ASZ1: variants seen among roughly 807,000 people sequenced by gnomAD.
The protein encoded by ASZ1 is ankyrin repeat, SAM and basic leucine zipper domain-containing protein 1.
In ASZ1, 67 loss-of-function variants were observed where a neutral mutation model predicts 61.8. The observed-to-expected ratio is 1.08, with a 90% CI of 0.89 to 1.33. The LOEUF is 1.33. Ranked by LOEUF, ASZ1 falls within the 40% of genes most tolerant of loss-of-function variation. The pLI is 0.00. For synonymous variants in ASZ1, 193 were observed against 192.7 expected (o/e 1.00, Z -0.01); for missense variants, 577 against 554.5 (o/e 1.04, Z -0.41).
At chr7:117,368,826 A>C in intron 10 of ASZ1, 109 bp from the exon 11 acceptor site, 1 of 1,546,798 alleles carries the variant, frequency 6.5e-7, no homozygotes, top group South Asian at 1.2e-5. Flanking sequence ...ATTCTTCCAA[A>C]AGAATTCATG....
At chr7:117,366,914 C>A (rs1795951399) in intron 12 of ASZ1, among the ~76,000 whole-genome samples, 1 of 152,102 alleles carries the variant, frequency 6.6e-6, no homozygotes, top group East Asian at 1.9e-4. Flanking sequence ...CCTATTATAA[C>A]AATTGGTATA....
At chr7:117,379,257 T>G (rs887509310) in intron 10 of ASZ1, among the ~76,000 whole-genome samples, 2 of 150,384 alleles carry the variant, frequency 1.3e-5, no homozygotes, top group Non-Finnish European at 3.0e-5. Flanking sequence ...GTAAATTTTC[T>G]GGTTTTGATA....
chr7:117,420,189 T>G lies in ASZ1; in HGVS notation c.414A>C (p.Arg138Ser). 1 of 1,611,322 alleles carries G rather than the reference T, an allele frequency of 6.2e-7. No individual in the cohort carries two copies. The highest frequency in any genetic ancestry group is 1.1e-5 in the South Asian group (1 of 90,802). ...ILKCVELLLS[R>S]NADPNVACRR... ...TACAAGCAACATTTGGATCAGCATTTCTTGAAAGTAGTAGTTCTACACACT... is the reference window on the plus strand; with the variant it reads ...TACAAGCAACATTTGGATCAGCATTGCTTGAAAGTAGTAGTTCTACACACT... The change falls in exon 4 of 13, where the codon AGA (arginine) becomes AGC (serine). Residue 138 changes from arginine (R) to serine (S), a missense_variant. Physicochemically the swap from Arg to Ser is moderately radical, Grantham distance 110. Coordinates refer to ENST00000284629, the MANE Select transcript of ASZ1 (RefSeq NM_130768.3).
chr7:117,420,027 G>C (rs948604760), intron 4 of ASZ1, 136 bp downstream of exon 4: 7 of 561,900 alleles, frequency 1.2e-5, no homozygotes, highest in African/African-American at 9.4e-5. Context: ...TTATAGAATT[G>C]GAACAATGAC....
At position 117,384,811 on chromosome 7, in the gene ASZ1, A is replaced by G; in HGVS notation, c.602T>C (p.Leu201Ser). 1.2e-6 allele frequency: 2 copies of G among 1,609,390 alleles called. No homozygotes were observed. Among genetic ancestry groups the G allele is most frequent in the South Asian group, 2.2e-5 (2 of 90,090 alleles). Reference protein sequence around the residue: ...RQGHKNIVLKLLELGANKMLQ... With the variant: ...RQGHKNIVLKSLELGANKMLQ... ...CATTTTATTAGCTCCAAGTTCAAGC[A>G]ACTTCAAAACTATATTTTTATGACC... The change falls in exon 6 of 13, where the codon TTG (leucine) becomes TCG (serine). Residue 201 changes from leucine to serine, a missense_variant. Transcript: ENST00000284629.
At chr7:117,364,414 A>G (rs1795893813) in intron 12 of ASZ1, among the ~76,000 whole-genome samples, 1 of 108,574 alleles carries the variant, frequency 9.2e-6, no homozygotes, top group African/African-American at 5.2e-5. Context: ...TGAGAGACAG[A>G]GAGACAGAGA....
chr7:117,378,908 GGAT>G lies in ASZ1; in HGVS notation c.1055+1027_1055+1029del, dbSNP rs570755817. Among the ~76,000 whole-genome samples the G allele has an allele frequency of 1.7e-3, 258 of 151,466 alleles. 2 individuals are homozygous for G. Among genetic ancestry groups the G allele is most frequent in the African/African-American group, 6.1e-3 (254 of 41,406 alleles). On this transcript the variant is annotated intron_variant, in intron 10 of 12. Transcript: ENST00000284629. Reference sequence around the variant, plus strand: ...ACTTTGATGAACCTCAAGAAAATTAGGATGATTGAAAAAAGTTAATCTCAAAAG... The same window carrying G: ...ACTTTGATGAACCTCAAGAAAATTAGGATTGAAAAAAGTTAATCTCAAAAG...
At chr7:117,403,207 C>G (rs765010893) in intron 4 of ASZ1, among the ~76,000 whole-genome samples, 24 of 152,124 alleles carry the variant, frequency 1.6e-4, no homozygotes, top group Admixed American at 1.0e-3. Context: ...ACGTACCAAG[C>G]ACCTGTCCTA....
chr7:117,364,672 G>A lies in ASZ1; in HGVS notation c.1276-924C>T, dbSNP rs539199323. ...GGAATAATGACTTCCAAATTCTACA[G>A]TGTAAATATTTAATTAAAAAGCTTG... On this transcript the variant is annotated intron_variant, in intron 12 of 12. Coordinates refer to ENST00000284629, the MANE Select transcript of ASZ1 (RefSeq NM_130768.3). 4.6e-5 allele frequency among the ~76,000 whole-genome samples: 7 copies of A among 152,180 alleles called. No individual in the cohort carries two copies. In the South Asian group the frequency reaches 1.5e-3, roughly 32 times the overall value.
At position 117,363,542 on chromosome 7, in the gene ASZ1, A is replaced by G. The variant is rs930888203; in HGVS notation, c.*54T>C. ...GTGCTGCAAACAGTTAAAAGCAATG[A>G]TTTTTGGATGGTTCAATAAGATGTG... On this transcript the variant is annotated 3_prime_UTR_variant, in exon 13 of 13. Transcript: ENST00000284629. The G allele has an allele frequency of 1.5e-6, 2 of 1,355,918 alleles. No individual in the cohort carries two copies. Among genetic ancestry groups the G allele is most frequent in the African/African-American group, 3.0e-5 (2 of 66,950 alleles). 84.0% of individuals were successfully genotyped at this position (1,355,918 alleles called of 1,614,324 possible).
chr7:117,415,206 C>CT (rs1796967106), intron 4 of ASZ1, among the ~76,000 whole-genome samples: 2 of 152,166 alleles, frequency 1.3e-5, no homozygotes, highest in Admixed American at 6.5e-5. Flanking sequence ...GATGGTATCT[C>CT]TTTATCTGTG....
rs1796219177 is a variant in ASZ1, at chr7:117,379,969, C to T, written c.1024G>A (p.Glu342Lys). 4 of 1,605,378 alleles carry T rather than the reference C, an allele frequency of 2.5e-6. No homozygotes were observed. Among genetic ancestry groups the T allele is most frequent in the African/African-American group, 1.3e-5 (1 of 74,824 alleles). The change falls in exon 10 of 13, where the codon GAG becomes AAG. Residue 342 changes from glutamate to lysine, a missense_variant. Coordinates refer to ENST00000284629, the MANE Select transcript of ASZ1 (RefSeq NM_130768.3). ...ELQVEEIQFGELSEETKLEIS... is the reference protein window; with the variant it reads ...ELQVEEIQFGKLSEETKLEIS... ...TCCAACTTTGTCTCTTCAGATAGCT[C>T]TCCAAATTGTATCTCTTCTACCTGT...
chr7:117,377,541 T>A (rs556817410), intron 10 of ASZ1, among the ~76,000 whole-genome samples: 1 of 152,024 alleles, frequency 6.6e-6, no homozygotes, highest in East Asian at 1.9e-4. Flanking sequence ...AAATATATTT[T>A]AAAAAAAGAA....
Position 117,422,362 on chromosome 7 carries a change from G to C in ASZ1, c.206-3C>G. The C allele has an allele frequency of 6.2e-7, 1 of 1,608,058 alleles. No homozygotes were observed. The highest frequency in any genetic ancestry group is 8.5e-7 in the Non-Finnish European group (1 of 1,178,394). On this transcript the variant is annotated splice_region_variant and splice_polypyrimidine_tract_variant and intron_variant, in intron 2 of 12. Transcript: ENST00000284629. ...AAAGTTGGAATCTACACTAATGCCT[G>C]TCAATATAAAAACAAGCTTTTAAAA...
chr7:117,376,177 ACTT>A (rs1796133526), intron 10 of ASZ1, among the ~76,000 whole-genome samples: 1 of 152,152 alleles, frequency 6.6e-6, no homozygotes, highest in African/African-American at 2.4e-5. Flanking sequence ...ACTAGGGGCA[ACTT>A]TTGGCTTGAT....
chr7:117,406,823 C>T (rs1223227126), intron 4 of ASZ1, among the ~76,000 whole-genome samples: 1 of 151,328 alleles, frequency 6.6e-6, no homozygotes, highest in Admixed American at 6.6e-5. Context: ...GTGGAATGGG[C>T]AAAAATGAGG....
chr7:117,396,776 G>T (rs1796582466), intron 4 of ASZ1, among the ~76,000 whole-genome samples: 1 of 152,000 alleles, frequency 6.6e-6, no homozygotes, highest in Non-Finnish European at 1.5e-5. Context: ...TCAGTGTTAT[G>T]TTTGCTTTAT....
At chr7:117,392,934 C>A (rs567267314) in intron 4 of ASZ1, among the ~76,000 whole-genome samples, 3 of 150,884 alleles carry the variant, frequency 2.0e-5, no homozygotes, top group African/African-American at 7.3e-5. Context: ...GCAACCTTTG[C>A]CTCCCAGGTT....
At chr7:117,421,413 C>T (rs1797097973) in intron 3 of ASZ1, among the ~76,000 whole-genome samples, 1 of 152,112 alleles carries the variant, frequency 6.6e-6, no homozygotes, top group Non-Finnish European at 1.5e-5. Flanking sequence ...CAAAGTCTCA[C>T]TATGTTGTCC....
Sources: gnomAD v4.1 joint callset for allele counts (sites outside exome capture counted in the v4.1 genomes callset) on GRCh38, gnomAD v4.1.1 for gene constraint, MANE v1.5 for transcripts, NCBI Gene and HGNC (gene_info 2026-07-23, HGNC 2026-07-21) for gene names.